ELMOD1: variants seen among roughly 807,000 people sequenced by gnomAD.
ELMOD1 encodes ELMO domain-containing protein 1.
In ELMOD1, 21 loss-of-function variants were observed where a neutral mutation model predicts 46.7. That is an observed-to-expected ratio of 0.45 (90% CI 0.32 to 0.65). The LOEUF (loss-of-function observed/expected upper bound fraction) is 0.65, where lower values mean the gene tolerates loss of function less well. ELMOD1 is among the 30% of genes least tolerant of loss of function. The pLI, the probability that ELMOD1 is intolerant of heterozygous loss-of-function variation, is 0.04. For synonymous variants in ELMOD1, 122 were observed against 138.2 expected, an observed-to-expected ratio of 0.88 and a Z score of 0.82; for missense variants, 348 against 407.8, an observed-to-expected ratio of 0.85 and a Z score of 1.26.
chr11:107,635,817 C>G (rs1239326452), intron 6 of ELMOD1, 52 bp downstream of exon 6: 1 of 1,561,544 alleles, frequency 6.4e-7, no homozygotes, highest in Non-Finnish European at 8.7e-7. Flanking sequence ...TGACATTTGC[C>G]AGGCACCTGC....
At chr11:107,618,948 C>T (rs552499154) in intron 2 of ELMOD1, among the ~76,000 whole-genome samples, 129 of 152,288 alleles carry the variant, frequency 8.5e-4, no homozygotes, top group Middle Eastern at 6.8e-3. Flanking sequence ...GAAAATACAA[C>T]ATACTTTCCA....
At position 107,647,567 on chromosome 11, in the gene ELMOD1, C is replaced by T. The variant is rs370664788; in HGVS notation, c.520C>T (p.Arg174Ter). ...FQGDDPKTDF[R>*]GMGLLGLYNL... ...AGGTGATGATCCTAAAACAGACTTT[C>T]GAGGAATGGGACTTCTGGGACTGTA... The change falls in exon 7 of 12, where the codon CGA becomes TGA. Residue 174 changes from arginine to a stop codon, truncating the protein, a stop_gained. Coordinates refer to ENST00000265840, the MANE Select transcript of ELMOD1 (RefSeq NM_018712.4). LOFTEE classifies it high-confidence loss of function. 1.9e-6 allele frequency: 3 copies of T among 1,613,022 alleles called. No individual in the cohort carries two copies. The highest frequency in any genetic ancestry group is 2.5e-6 in the Non-Finnish European group (3 of 1,179,586).
At chr11:107,626,595 TTCTTA>T (rs1224163821) in intron 2 of ELMOD1, among the ~76,000 whole-genome samples, 2 of 143,104 alleles carry the variant, frequency 1.4e-5, no homozygotes, top group African/African-American at 5.1e-5. Flanking sequence ...CCTTCTTTCC[TTCTTA>T]TCTTCTTTCC....
chr11:107,626,625 CCTT>C (rs1370164988), intron 2 of ELMOD1, among the ~76,000 whole-genome samples: 1 of 38,966 alleles, frequency 2.6e-5, no homozygotes, highest in African/African-American at 5.4e-5. Flanking sequence ...TTCTTTCTTT[CCTT>C]CTTTTCTTTC....
chr11:107,645,663 T>C (rs1470819401), intron 6 of ELMOD1, among the ~76,000 whole-genome samples: 1 of 152,216 alleles, frequency 6.6e-6, no homozygotes, highest in Non-Finnish European at 1.5e-5. Flanking sequence ...TGGCACATTC[T>C]TATATGAATT....
intron 1 of ELMOD1, among the ~76,000 whole-genome samples, chr11:107,615,985 C>CA (rs1865855943): frequency 1.4e-5 from 1 of 74,048 alleles, no homozygotes; most frequent in Non-Finnish European, 2.4e-5. Flanking sequence ...CAGGTTTTTC[C>CA]TTTTTTTTTT....
At position 107,647,457 on chromosome 11, in the gene ELMOD1, T is replaced by A; in HGVS notation, c.421-11T>A. 3 of 1,605,800 alleles carry A rather than the reference T, an allele frequency of 1.9e-6. No homozygotes were observed. Among genetic ancestry groups the A allele is most frequent in the Non-Finnish European group, 1.7e-6 (2 of 1,177,690 alleles). On this transcript the variant is annotated splice_polypyrimidine_tract_variant and intron_variant, in intron 6 of 11. Transcript: ENST00000265840. Reference sequence around the variant, plus strand: ...GTATCAACAGAGTAATCCTTTTTTTTTTTCCTACAGTTATGGAAATTCTTG... The same window carrying A: ...GTATCAACAGAGTAATCCTTTTTTTATTTCCTACAGTTATGGAAATTCTTG...
At chr11:107,628,744 CATAATTTTAGTT>C (rs897147674) in intron 2 of ELMOD1, among the ~76,000 whole-genome samples, 1 of 151,216 alleles carries the variant, frequency 6.6e-6, no homozygotes, top group Admixed American at 6.6e-5. Context: ...TTTTATACAT[CATAATTTTAGTT>C]ATAATTTTCA....
intron 1 of ELMOD1, among the ~76,000 whole-genome samples, chr11:107,599,954 T>G (rs533368175): frequency 6.6e-6 from 1 of 152,230 alleles, no homozygotes; most frequent in South Asian, 2.1e-4. Flanking sequence ...ACTTCTGTTA[T>G]AAACCAATTC....
intron 1 of ELMOD1, among the ~76,000 whole-genome samples, chr11:107,606,197 C>T (rs1039150337): frequency 4.6e-5 from 7 of 152,208 alleles, no homozygotes; most frequent in African/African-American, 1.4e-4. Flanking sequence ...GCTCTAACGA[C>T]ATATGAAGCA....
At chr11:107,619,707 A>G (rs1865916711) in intron 2 of ELMOD1, among the ~76,000 whole-genome samples, 1 of 152,208 alleles carries the variant, frequency 6.6e-6, no homozygotes, top group Non-Finnish European at 1.5e-5. Flanking sequence ...TAGGTGCACA[A>G]AGAGTACATT....
At chr11:107,622,952 A>G (rs748293629) in intron 2 of ELMOD1, among the ~76,000 whole-genome samples, 1 of 152,212 alleles carries the variant, frequency 6.6e-6, no homozygotes, top group Non-Finnish European at 1.5e-5. Context: ...ATAAACACAC[A>G]CAAATATGCA....
At chr11:107,664,174 C>T (rs1458367268) in intron 11 of ELMOD1, among the ~76,000 whole-genome samples, 1 of 151,630 alleles carries the variant, frequency 6.6e-6, no homozygotes, top group Non-Finnish European at 1.5e-5. Context: ...ACTAGGATTA[C>T]TTCCTTAAGT....
chr11:107,605,508 A>G (rs1865670865), intron 1 of ELMOD1, among the ~76,000 whole-genome samples: 1 of 152,166 alleles, frequency 6.6e-6, no homozygotes, highest in Non-Finnish European at 1.5e-5. Flanking sequence ...GCCTTGAGAG[A>G]TGAATTTCAT....
At chr11:107,660,101 T>G (rs1866708181) in intron 11 of ELMOD1, among the ~76,000 whole-genome samples, 1 of 152,134 alleles carries the variant, frequency 6.6e-6, no homozygotes, top group Admixed American at 6.5e-5. Context: ...TGCCCTAGAT[T>G]CATTGTTCCT....
chr11:107,647,726 TC>T, intron 7 of ELMOD1, 125 bp downstream of exon 7: 1 of 947,852 alleles, frequency 1.1e-6, no homozygotes, highest in Non-Finnish European at 1.4e-6. Context: ...AACATTCAAG[TC>T]CCCTGAGAGG....
intron 2 of ELMOD1, among the ~76,000 whole-genome samples, chr11:107,621,673 GT>G (rs1591114010): frequency 6.6e-6 from 1 of 152,228 alleles, no homozygotes; most frequent in East Asian, 1.9e-4. Context: ...TGTTTCTCAT[GT>G]TTGTGTCACA....
In ELMOD1 at chr11:107,655,475, A is replaced by G. The variant is rs186011438; in HGVS notation, c.699-458A>G. On this transcript the variant is annotated intron_variant, in intron 10 of 11. Transcript: ENST00000265840. ...TTACTGAAATTTTCTGCTAAATTAC[A>G]AAAGTCAAGGTTTTGATAGGGTGGG... Among the ~76,000 whole-genome samples, 470 of 151,878 alleles carry G rather than the reference A, an allele frequency of 3.1e-3. 5 individuals carry two copies. The highest frequency in any genetic ancestry group is 0.011 in the African/African-American group (452 of 41,476).
intron 10 of ELMOD1, among the ~76,000 whole-genome samples, chr11:107,654,734 A>C (rs929900851): frequency 3.4e-5 from 5 of 147,200 alleles, no homozygotes; most frequent in African/African-American, 2.5e-5. Flanking sequence ...GCGCCACTGC[A>C]CTCCAGCCTG....
Sources: allele counts gnomAD v4.1 joint callset (sites outside exome capture counted in the v4.1 genomes callset), GRCh38; gene constraint gnomAD v4.1.1; transcripts MANE v1.5; gene names NCBI Gene and HGNC (gene_info 2026-07-23, HGNC 2026-07-21).